Variants in MYO9B observed in about 807,000 individuals in gnomAD.
MYO9B encodes unconventional myosin-IXb.
Under a neutral mutation model 229.5 loss-of-function variants are expected in MYO9B, and 71 were observed. The ratio of observed to expected loss-of-function variants is 0.31; its 90% CI spans 0.26 to 0.38. The LOEUF (loss-of-function observed/expected upper bound fraction) is 0.38. Ranked by LOEUF, MYO9B falls within the 10% of genes least tolerant of loss-of-function variation. The probability of loss-of-function intolerance (pLI) is 1.00; values close to 1 mark genes in which losing one functional copy is unlikely to be tolerated. For missense variants in MYO9B, 2,255 were observed against 2,920.5 expected (o/e 0.77, Z 5.25); for synonymous variants, 1,185 against 1,235.8 (o/e 0.96, Z 0.86).
At chr19:17,184,069 G>A (rs1227118971) in intron 16 of MYO9B, 1 of 603,696 alleles carries the variant, frequency 1.7e-6, no homozygotes, top group East Asian at 2.9e-5. Context: ...GGTCTGAGAT[G>A]GGGTATTTGC....
intron 27 of MYO9B, 34 bp from the exon 28 acceptor site, chr19:17,202,096 C>T (rs767712166): frequency 4.4e-5 from 71 of 1,612,460 alleles, no homozygotes; most frequent in Non-Finnish European, 5.9e-5. Context: ...GCCCCTTGCC[C>T]AGGCCTGCAG....
intron 3 of MYO9B, among the ~76,000 whole-genome samples, chr19:17,146,727 T>C (rs1220084228): frequency 1.3e-5 from 2 of 152,014 alleles, no homozygotes; most frequent in East Asian, 3.9e-4. Flanking sequence ...TGGAATTGGA[T>C]GGGCTTGATC....
At chr19:17,079,968 A>G (rs1024404908) in intron 1 of MYO9B, among the ~76,000 whole-genome samples, 21 of 152,280 alleles carry the variant, frequency 1.4e-4, no homozygotes, top group Middle Eastern at 3.4e-3. Flanking sequence ...TTCAATTTCT[A>G]TCGTGGCTGG....
intron 19 of MYO9B, 147 bp downstream of exon 19, chr19:17,188,192 G>T (rs2145430816): frequency 1.6e-6 from 1 of 610,076 alleles, no homozygotes; most frequent in East Asian, 3.3e-5. Flanking sequence ...ACCTTGGGAG[G>T]CTGAGGCAGG....
intron 1 of MYO9B, among the ~76,000 whole-genome samples, chr19:17,087,485 A>G (rs768973727): frequency 2.0e-5 from 3 of 152,310 alleles, no homozygotes; most frequent in Middle Eastern, 3.4e-3. Context: ...CTAAGGCAGA[A>G]AAAAGGCTGG....
intron 3 of MYO9B, among the ~76,000 whole-genome samples, chr19:17,151,629 A>G (rs147642019): frequency 5.3e-5 from 8 of 152,304 alleles, no homozygotes; most frequent in Admixed American, 1.3e-4. Flanking sequence ...TCCAAACCAC[A>G]GTGACAGGCT....
chr19:17,196,940 T>C (rs542112350), intron 22 of MYO9B, among the ~76,000 whole-genome samples: 2 of 151,280 alleles, frequency 1.3e-5, no homozygotes, highest in Non-Finnish European at 2.9e-5. Context: ...AGGTAGATTA[T>C]GGATGGGAGG....
At chr19:17,205,455 T>G in intron 31 of MYO9B, 119 bp downstream of exon 31, 1 of 922,334 alleles carries the variant, frequency 1.1e-6, no homozygotes, top group Non-Finnish European at 1.7e-6. Context: ...AGGGGGCGGC[T>G]GTGGCCTCTG....
chr19:17,174,562 G>A (rs529150162), intron 13 of MYO9B, among the ~76,000 whole-genome samples: 183 of 152,214 alleles, frequency 1.2e-3, no homozygotes, highest in African/African-American at 4.3e-3. Flanking sequence ...GCTTGAACCC[G>A]GGAGGCGGAG....
At chr19:17,191,071 T>C (rs4808072) in intron 19 of MYO9B, 26 bp from the exon 20 acceptor site, 983,520 of 1,603,630 alleles carry the variant, frequency 0.61, 308,092 homozygotes, top group African/African-American at 0.92. Flanking sequence ...CACCTAGATT[T>C]TCCTTTCTCC....
At chr19:17,112,502 A>C (rs1187427599) in intron 2 of MYO9B, among the ~76,000 whole-genome samples, 1 of 152,180 alleles carries the variant, frequency 6.6e-6, no homozygotes, top group Non-Finnish European at 1.5e-5. Flanking sequence ...TGGCTTCCCA[A>C]GTGCGACAGA....
At chr19:17,177,093 C>T (rs908026742) in intron 14 of MYO9B, among the ~76,000 whole-genome samples, 2 of 151,850 alleles carry the variant, frequency 1.3e-5, no homozygotes, top group Non-Finnish European at 2.9e-5. Context: ...CCCAGCTACT[C>T]GAGAGGCTGA....
chr19:17,153,384 TAA>T (rs79301576), intron 4 of MYO9B, among the ~76,000 whole-genome samples: 10 of 135,980 alleles, frequency 7.4e-5, no homozygotes, highest in African/African-American at 1.1e-4. Flanking sequence ...TTGTCTCTTT[TAA>T]AAAAAAAAAA....
At chr19:17,163,454 T>G (rs1187321699) in intron 10 of MYO9B, among the ~76,000 whole-genome samples, 1 of 142,082 alleles carries the variant, frequency 7.0e-6, no homozygotes, top group African/African-American at 2.6e-5. Flanking sequence ...TACTGCAGCC[T>G]CAAACTCCTA....
intron 2 of MYO9B, among the ~76,000 whole-genome samples, chr19:17,121,284 A>T (rs1004837903): frequency 2.6e-5 from 4 of 151,908 alleles, no homozygotes; most frequent in Non-Finnish European, 5.9e-5. Flanking sequence ...TTGGATTGTC[A>T]ACTTTTTCTC....
chr19:17,210,807 G>A lies in MYO9B; in HGVS notation c.5889G>A (p.Lys1963=). The change falls in exon 38 of 40, where the codon AAG becomes AAA. Residue 1963 remains lysine, a synonymous_variant. Coordinates refer to ENST00000682292, the MANE Select transcript of MYO9B (RefSeq NM_004145.4). ...CCGGCGGCGATGAGGACCGGGAAAA[G>A]GAGATTCTCATTGAACGGATCCAGT... ...EAAGGDEDRE[K]EILIERIQSI... The A allele has an allele frequency of 6.3e-7, 1 of 1,597,272 alleles. No homozygotes were observed. Among genetic ancestry groups the A allele is most frequent in the East Asian group, 2.3e-5 (1 of 43,950 alleles).
rs560273067 is a variant in MYO9B, at chr19:17,136,702, C to T, written c.841-8695C>T. On this transcript the variant is annotated intron_variant, in intron 2 of 39. Transcript: ENST00000682292. ...CACCCTCAAAAAGTCCCATAGGCAC[C>T]CAGGAAAGTCAACTTCACCAGCAGA... Among the ~76,000 whole-genome samples, 5 of 152,192 alleles carry T rather than the reference C, an allele frequency of 3.3e-5. No individual in the cohort carries two copies. The South Asian group carries it at 8.3e-4, about 25-fold the overall frequency.
chr19:17,210,784 G>T lies in MYO9B; in HGVS notation c.5866G>T (p.Gly1956Cys), dbSNP rs751622389. The change falls in exon 38 of 40, where the codon GGC becomes TGC. Residue 1956 changes from glycine (G) to cysteine (C), a missense_variant. By Grantham distance (159) the Gly-to-Cys change is radical. Around this residue, in one of 7 missense-constraint regions of MYO9B, gnomAD observed 331 missense variants for 332.5 expected, o/e 1.00. Coordinates refer to ENST00000682292, the MANE Select transcript of MYO9B (RefSeq NM_004145.4). ...GGTGCTGCTGGAGGAGGAGGCAGCC[G>T]GCGGCGATGAGGACCGGGAAAAGGA... Reference protein sequence around the residue: ...LEVLLEEEAAGGDEDREKEIL... With the variant: ...LEVLLEEEAACGDEDREKEIL... 6.3e-7 allele frequency: 1 copy of T among 1,585,912 alleles called. No individual in the cohort carries two copies. Among genetic ancestry groups the T allele is most frequent in the Middle Eastern group, 1.7e-4 (1 of 6,010 alleles).
At chr19:17,135,621 C>T (rs2072260069) in intron 2 of MYO9B, among the ~76,000 whole-genome samples, 1 of 152,164 alleles carries the variant, frequency 6.6e-6, no homozygotes, top group Non-Finnish European at 1.5e-5. Flanking sequence ...TTTGAAAAGT[C>T]GCAGTGTGCT....
Sources: gnomAD v4.1 joint callset for allele counts (sites outside exome capture counted in the v4.1 genomes callset) on GRCh38, gnomAD v4.1.1 for gene constraint, gnomAD v4.1.1 regional missense constraint, MANE v1.5 for transcripts, NCBI Gene and HGNC (gene_info 2026-07-23, HGNC 2026-07-21) for gene names.